The following ERVK3-1 variants were observed in gnomAD, a reference collection of about 807,000 sequenced individuals.
The protein encoded by ERVK3-1 is HERV-K(HML6-1).
chr19:58,305,706 T>C (rs1568531794), intron 1 of ERVK3-1, among the ~76,000 whole-genome samples: 2 of 152,116 alleles, frequency 1.3e-5, no homozygotes, highest in Admixed American at 1.3e-4. Flanking sequence ...CGTGACCAAC[T>C]CATTATACCA....
rs2051572984 is a variant in ERVK3-1 at position 58,313,890 on chromosome 19, C to T, written c.295-858C>T. ...AACATAGTAATTTTTACTGTAATCT[C>T]CTTAGTCACACTAATAACCTCGGTT... On this transcript the variant is annotated intron_variant, in intron 3 of 3. Coordinates refer to ENST00000413518, the Ensembl canonical transcript of ERVK3-1. This position sits in a 1 kb window ranked among gnomAD's most constrained non-coding sequence, Gnocchi z 4.5. Among the ~76,000 whole-genome samples the T allele has an allele frequency of 6.6e-6, 1 of 152,214 alleles. No individual in the cohort carries two copies. Among genetic ancestry groups the T allele is most frequent in the Non-Finnish European group, 1.5e-5 (1 of 68,040 alleles).
rs1403002238 is a variant in ERVK3-1, at chr19:58,310,921, G to A, written c.-3-1245G>A. 7 of 369,020 alleles carry A rather than the reference G, an allele frequency of 1.9e-5. No homozygotes were observed. Among genetic ancestry groups the A allele is most frequent in the Admixed American group, 8.1e-5 (3 of 37,094 alleles). The allele number at this position is 369,020 out of a possible 1,614,324, so 22.9% of individuals were successfully genotyped here. On this transcript the variant is annotated intron_variant, in intron 2 of 3. Coordinates refer to ENST00000413518, the Ensembl canonical transcript of ERVK3-1. The surrounding 1 kb of genome is among the most constrained non-coding windows in gnomAD (Gnocchi z 4.7). ...GACCACGGTCTTCCCAAACGCTGGCGTCACCACTAGACCAAGGAGCCCTCT... is the reference window on the plus strand; with the variant it reads ...GACCACGGTCTTCCCAAACGCTGGCATCACCACTAGACCAAGGAGCCCTCT...
At chr19:58,307,623 C>A (rs1253786238) in intron 2 of ERVK3-1, among the ~76,000 whole-genome samples, 1 of 150,590 alleles carries the variant, frequency 6.6e-6, no homozygotes, top group East Asian at 1.9e-4. Flanking sequence ...CCCTCCCCGC[C>A]CCGCTCCCCC....
Position 58,312,420 on chromosome 19 carries a change from T to C in ERVK3-1, c.252T>C (p.Pro84=), listed in dbSNP as rs987994225. ...AGCGCCAGGGTCAGGCAAAAACCCC[T>C]GACTCCATGTTCTTGGCCATGCTAG... Residue 84 remains proline (P), a synonymous_variant, in exon 3 of 4, where the codon CCT becomes CCC. Coordinates refer to ENST00000413518, the Ensembl canonical transcript of ERVK3-1. This position sits in a 1 kb window ranked among gnomAD's most constrained non-coding sequence, Gnocchi z 4.7. 1 of 400,224 alleles carries C rather than the reference T, an allele frequency of 2.5e-6. No homozygotes were observed. Among genetic ancestry groups the C allele is most frequent in the Non-Finnish European group, 4.4e-6 (1 of 226,104 alleles). The allele number at this position is 400,224 out of a possible 1,614,324, so 24.8% of individuals were successfully genotyped here.
downstream of ERVK3-1, among the ~76,000 whole-genome samples, chr19:58,316,197 T>G (rs2051591599): frequency 6.6e-6 from 1 of 151,992 alleles, no homozygotes; most frequent in African/African-American, 2.4e-5. Context: ...TGCCCTGCCT[T>G]CCTCAGCCTG....
At chr19:58,308,251 C>T (rs948319395) in intron 2 of ERVK3-1, among the ~76,000 whole-genome samples, 1 of 152,146 alleles carries the variant, frequency 6.6e-6, no homozygotes, top group East Asian at 1.9e-4. Context: ...TCTAATTGAC[C>T]CACCTGTGCA....
At chr19:58,307,818 A>G (rs1408021993) in intron 2 of ERVK3-1, among the ~76,000 whole-genome samples, 2 of 152,208 alleles carry the variant, frequency 1.3e-5, no homozygotes, top group African/African-American at 4.8e-5. Context: ...ACCCTGCTAC[A>G]GGGGTGGGTT....
At position 58,310,760 on chromosome 19, in the gene ERVK3-1, T is replaced by C. The variant is rs1054771163; in HGVS notation, c.-3-1406T>C. ...CCGGATAACTGTGGGCGAGCCTGACTAATGTCAGGCCCTCCACAAGAGGTG... is the reference window on the plus strand; with the variant it reads ...CCGGATAACTGTGGGCGAGCCTGACCAATGTCAGGCCCTCCACAAGAGGTG... On this transcript the variant is annotated intron_variant, in intron 2 of 3. Transcript: ENST00000413518. The surrounding 1 kb of genome is among the most constrained non-coding windows in gnomAD (Gnocchi z 4.7). 2.8e-5 allele frequency: 7 copies of C among 249,610 alleles called. No individual in the cohort carries two copies. The highest frequency in any genetic ancestry group is 5.8e-5 in the Non-Finnish European group (7 of 120,102). 15.5% of individuals were successfully genotyped at this position (249,610 alleles called of 1,614,324 possible).
chr19:58,316,490 T>C (rs546103015), downstream of ERVK3-1, among the ~76,000 whole-genome samples: 3 of 151,628 alleles, frequency 2.0e-5, no homozygotes, highest in South Asian at 6.3e-4. Context: ...GCCAACATGG[T>C]GAAACCCTGT....
chr19:58,305,709 T>G (rs541835612), intron 1 of ERVK3-1, among the ~76,000 whole-genome samples: 24 of 152,206 alleles, frequency 1.6e-4, no homozygotes, highest in East Asian at 7.7e-4. Context: ...GACCAACTCA[T>G]TATACCACTG....
rs1029814000 is a variant in ERVK3-1 at position 58,312,019 on chromosome 19, A to G, written c.-3-147A>G. ...TGTTTGACTCCTGGTACGGATGGCA[A>G]GACCCCAGCAGAACGACACTGGCAA... On this transcript the variant is annotated intron_variant, in intron 2 of 3. Transcript: ENST00000413518. The surrounding 1 kb of genome is among the most constrained non-coding windows in gnomAD (Gnocchi z 4.7). 5.0e-6 allele frequency: 2 copies of G among 396,948 alleles called. No individual in the cohort carries two copies. The highest frequency in any genetic ancestry group is 2.1e-5 in the African/African-American group (1 of 48,626). 24.6% of individuals were successfully genotyped at this position (396,948 alleles called of 1,614,324 possible).
chr19:58,307,263 C>A (rs150417722), intron 2 of ERVK3-1, among the ~76,000 whole-genome samples: 36 of 152,350 alleles, frequency 2.4e-4, no homozygotes, highest in Non-Finnish European at 1.5e-4. Flanking sequence ...TGCACAGTTA[C>A]AACAGTCAGT....
chr19:58,308,875 C>T (rs957772950), intron 2 of ERVK3-1, among the ~76,000 whole-genome samples: 2 of 152,152 alleles, frequency 1.3e-5, no homozygotes, highest in South Asian at 2.1e-4. Flanking sequence ...TTTGTGACCC[C>T]CAAAACGTCA....
At chr19:58,311,308 G>A (rs759967323) in intron 2 of ERVK3-1, 5 of 152,120 alleles carry the variant, frequency 3.3e-5, no homozygotes, top group African/African-American at 4.8e-5. Context: ...AAAGCTGTTC[G>A]CTCTCATGCT....
exon 4 of ERVK3-1, chr19:58,314,749 C>T (rs2051580015): frequency 2.5e-6 from 1 of 396,716 alleles, no homozygotes; most frequent in African/African-American, 2.1e-5. Context: ...TGCTCATAGT[C>T]TATAGGATCG....
At chr19:58,315,483 C>G (rs181944138) in exon 4 of ERVK3-1, 1 of 152,198 alleles carries the variant, frequency 6.6e-6, no homozygotes, top group Non-Finnish European at 1.5e-5. Flanking sequence ...TACCACTGAA[C>G]GTTTTCAGAG....
At chr19:58,316,618 C>T (rs1225780921), downstream of ERVK3-1, among the ~76,000 whole-genome samples, 1 of 152,310 alleles carries the variant, frequency 6.6e-6, no homozygotes, top group South Asian at 2.1e-4. Context: ...TTGTGGTGAG[C>T]CAAGATCGTG....
intron 2 of ERVK3-1, chr19:58,309,827 C>G (rs2051545573): frequency 6.6e-6 from 1 of 152,200 alleles, no homozygotes; most frequent in African/African-American, 2.4e-5. Flanking sequence ...AAAATGCTTA[C>G]AGGATATGAT....
rs183788619 is a variant in ERVK3-1, at chr19:58,307,848, C to G, written c.-4+1632C>G. ...TGGGTTCCTGGAGGAACATTGACTC[C>G]CTCTCCTCTGGAACACCGGGGAGTG... On this transcript the variant is annotated intron_variant, in intron 2 of 3. Coordinates refer to ENST00000413518, the Ensembl canonical transcript of ERVK3-1. Among the ~76,000 whole-genome samples, 529 of 152,304 alleles carry G rather than the reference C, an allele frequency of 3.5e-3. 2 individuals are homozygous for G. Among genetic ancestry groups the G allele is most frequent in the African/African-American group, 0.012 (483 of 41,560 alleles).
Sources: gnomAD v4.1 joint callset for allele counts (sites outside exome capture counted in the v4.1 genomes callset) on GRCh38, gnomAD v4.1.1 for gene constraint, Gnocchi (gnomAD v3.1) non-coding constraint, MANE v1.5 for transcripts, NCBI Gene and HGNC (gene_info 2026-07-23, HGNC 2026-07-21) for gene names.